Variants in RND3 observed in about 807,000 individuals in gnomAD.
RND3 encodes Rho family GTPase 3.
Under a neutral mutation model 26.5 loss-of-function variants are expected in RND3, and 8 were observed. The observed-to-expected ratio is 0.30, with a 90% CI of 0.18 to 0.54. RND3 has a LOEUF of 0.54. Among genes scored for constraint, RND3 ranks in the 20% least tolerant of loss-of-function variants. RND3 has a pLI of 0.94. For synonymous variants in RND3, 113 were observed against 113.0 expected, an observed-to-expected ratio of 1.00 and a Z score of 0.00; for missense variants, 207 against 302.8, an observed-to-expected ratio of 0.68 and a Z score of 2.35.
chr2:150,475,246 G>T, intron 3 of RND3: 1 of 286,624 alleles, frequency 3.5e-6, no homozygotes, highest in Admixed American at 4.8e-5. Context: ...CAAAGACTAG[G>T]GCCTGAAGTT....
intron 4 of RND3, among the ~76,000 whole-genome samples, chr2:150,473,262 A>G (rs1459785103): frequency 6.6e-6 from 1 of 152,174 alleles, no homozygotes; most frequent in Non-Finnish European, 1.5e-5. Context: ...TGAGCCTTAA[A>G]CCTCACAGGA....
chr2:150,486,957 C>T lies in RND3; in HGVS notation c.151-176G>A. 1 of 635,384 alleles carries T rather than the reference C, an allele frequency of 1.6e-6. No individual in the cohort carries two copies. The highest frequency in any genetic ancestry group is 2.4e-5 in the Admixed American group (1 of 41,920). The allele number at this position is 635,384 out of a possible 1,614,324, so 39.4% of individuals were successfully genotyped here. On this transcript the variant is annotated intron_variant, in intron 2 of 5. Coordinates refer to ENST00000263895, the MANE Select transcript of RND3 (RefSeq NM_005168.5). The surrounding 1 kb of genome is among the most constrained non-coding windows in gnomAD (Gnocchi z 4.5). ...CCTTTCCGAAACCCCTGTCCTACTC[C>T]CCACTCACCCCACCCGGCTCTCACA...
chr2:150,478,171 G>A (rs1296661759), intron 3 of RND3, among the ~76,000 whole-genome samples: 1 of 151,608 alleles, frequency 6.6e-6, no homozygotes, highest in Non-Finnish European at 1.5e-5. Context: ...TAAGTCATCA[G>A]CTCAGCAGGA....
rs1209384148 is a variant in RND3 at position 150,487,474 on chromosome 2, A to AATATATATATATATATATATAT, written c.-38-20_-38-19insATATATATATATATATATATAT. 16 of 200,786 alleles carry AATATATATATATATATATATAT rather than the reference A, an allele frequency of 8.0e-5. No individual in the cohort carries two copies. Among genetic ancestry groups the AATATATATATATATATATATAT allele is most frequent in the East Asian group, 1.2e-4 (1 of 8,234 alleles). The allele number at this position is 200,786 out of a possible 1,614,324, so 12.4% of individuals were successfully genotyped here. On this transcript the variant is annotated intron_variant, in intron 1 of 5. Coordinates refer to ENST00000263895, the MANE Select transcript of RND3 (RefSeq NM_005168.5). ...ATTTTCTCTTAAGAAGAAAAAAAAA[A>AATATATATATATATATATATAT]ATATATATATATATATATATTTCTC...
At chr2:150,477,929 C>T (rs1364177469) in intron 3 of RND3, among the ~76,000 whole-genome samples, 1 of 152,134 alleles carries the variant, frequency 6.6e-6, no homozygotes, top group Non-Finnish European at 1.5e-5. Context: ...TTTAGATCAA[C>T]ACGAGTGTCC....
In RND3 at chr2:150,468,298, C is replaced by T. The variant is rs1389290404; in HGVS notation, c.*1689G>A. ...AAACAAACATACACAGTGACTTCAA[C>T]AGTTTAAAAAATGCAACAAAAGTTC... On this transcript the variant is annotated 3_prime_UTR_variant, in exon 6 of 6. Transcript: ENST00000263895. 6.6e-6 allele frequency: 1 copy of T among 152,498 alleles called. No homozygotes were observed. The highest frequency in any genetic ancestry group is 2.4e-5 in the African/African-American group (1 of 41,420). 9.4% of individuals were successfully genotyped at this position (152,498 alleles called of 1,614,324 possible). A position where few individuals can be genotyped will look rare whatever the true frequency, so the allele number is the denominator to read the frequency against.
rs150561991 is a variant in RND3, at chr2:150,473,619, A to G, written c.348+1256T>C. On this transcript the variant is annotated intron_variant, in intron 4 of 5. Coordinates refer to ENST00000263895, the MANE Select transcript of RND3 (RefSeq NM_005168.5). ...GTATTACTCAAAATTGAAAGGAGCT[A>G]AAAAGGAAAAAAGAGTCTTTGATCT... 3.7e-3 allele frequency among the ~76,000 whole-genome samples: 562 copies of G among 152,288 alleles called. 5 individuals are homozygous for G. The highest frequency in any genetic ancestry group is 0.013 in the African/African-American group (541 of 41,564).
At chr2:150,485,317 T>G (rs1186333914) in intron 3 of RND3, 1 of 152,312 alleles carries the variant, frequency 6.6e-6, no homozygotes, top group Non-Finnish European at 1.5e-5. Context: ...GGCGACCCTG[T>G]CAGTCTGGTT....
chr2:150,487,471 AAAAAT>A lies in RND3; in HGVS notation c.-38-21_-38-17del, dbSNP rs1178578929. The A allele has an allele frequency of 1.2e-5, 5 of 411,426 alleles. No individual in the cohort carries two copies. The highest frequency in any genetic ancestry group is 1.7e-5 in the Non-Finnish European group (5 of 290,640). The allele number at this position is 411,426 out of a possible 1,614,324, so 25.5% of individuals were successfully genotyped here. A position where few individuals can be genotyped will look rare whatever the true frequency, so the allele number is the denominator to read the frequency against. ...GGAATTTTCTCTTAAGAAGAAAAAA[AAAAAT>A]ATATATATATATATATATTTCTCTC... On this transcript the variant is annotated splice_polypyrimidine_tract_variant and intron_variant, in intron 1 of 5. Coordinates refer to ENST00000263895, the MANE Select transcript of RND3 (RefSeq NM_005168.5).
chr2:150,481,942 T>C (rs1258961612), intron 3 of RND3, among the ~76,000 whole-genome samples: 3 of 152,240 alleles, frequency 2.0e-5, no homozygotes, highest in Non-Finnish European at 4.4e-5. Flanking sequence ...GAGAAGTTTG[T>C]CCTCATATTA....
chr2:150,473,657 A>T (rs1686120033), intron 4 of RND3, among the ~76,000 whole-genome samples: 1 of 152,220 alleles, frequency 6.6e-6, no homozygotes, highest in Non-Finnish European at 1.5e-5. Flanking sequence ...TAAGAAAGAG[A>T]TCTACTAAGA....
rs1686409923 is a variant in RND3, at chr2:150,487,588, G to C, written c.-78C>G. 5.7e-6 allele frequency: 1 copy of C among 174,250 alleles called. No individual in the cohort carries two copies. The highest frequency in any genetic ancestry group is 1.2e-5 in the Non-Finnish European group (1 of 85,074). 10.8% of individuals were successfully genotyped at this position (174,250 alleles called of 1,614,324 possible). A position where few individuals can be genotyped will look rare whatever the true frequency, so the allele number is the denominator to read the frequency against. On this transcript the variant is annotated 5_prime_UTR_variant, in exon 1 of 6. Coordinates refer to ENST00000263895, the MANE Select transcript of RND3 (RefSeq NM_005168.5). ...GCAGACGAGGAGGAGAGCGAGAGGA[G>C]CAGGCTGGTTACTCCCCTCCAACAA...
In RND3 at chr2:150,487,294, CAT is replaced by C. The variant is rs1686394821; in HGVS notation, c.122_123del (p.His41ArgfsTer17). On this transcript the variant is annotated frameshift_variant, in exon 2 of 6. Transcript: ENST00000263895. LOFTEE classifies it high-confidence loss of function. ...DSQCGKTALL[H>X]VFAKDCFPEN... ...TCGGGGAAGCAGTCCTTGGCGAAGACATGGAGCAGCGCAGTTTTTCCACACTG... is the reference window on the plus strand; with the variant it reads ...TCGGGGAAGCAGTCCTTGGCGAAGACGGAGCAGCGCAGTTTTTCCACACTG... The C allele has an allele frequency of 1.2e-6, 2 of 1,601,228 alleles. No homozygotes were observed. The highest frequency in any genetic ancestry group is 2.7e-5 in the African/African-American group (2 of 74,042).
Position 150,487,474 on chromosome 2 carries a change from A to AAAAT in RND3, c.-38-20_-38-19insATTT. ...ATTTTCTCTTAAGAAGAAAAAAAAA[A>AAAAT]ATATATATATATATATATATTTCTC... On this transcript the variant is annotated intron_variant, in intron 1 of 5. Coordinates refer to ENST00000263895, the MANE Select transcript of RND3 (RefSeq NM_005168.5). 8.6e-4 allele frequency: 172 copies of AAAAT among 200,768 alleles called. No homozygotes were observed. The highest frequency in any genetic ancestry group is 3.2e-3 in the African/African-American group (117 of 36,650). 12.4% of individuals were successfully genotyped at this position (200,768 alleles called of 1,614,324 possible).
Sources: allele counts gnomAD v4.1 joint callset (sites outside exome capture counted in the v4.1 genomes callset), GRCh38; gene constraint gnomAD v4.1.1; non-coding constraint Gnocchi (gnomAD v3.1); transcripts MANE v1.5; gene names NCBI Gene and HGNC (gene_info 2026-07-23, HGNC 2026-07-21).